Variants in MYO3B observed in about 807,000 individuals in gnomAD.
The protein encoded by MYO3B is myosin IIIB, also known as myosin-IIIb.
Under a neutral mutation model 174.6 loss-of-function variants are expected in MYO3B, and 156 were observed. That is an observed-to-expected ratio of 0.89 (90% confidence interval 0.78 to 1.02). The LOEUF (loss-of-function observed/expected upper bound fraction) is 1.02, where lower values mean the gene tolerates loss of function less well. Ranked by LOEUF, MYO3B falls within the 50% of genes least tolerant of loss-of-function variation. The pLI is 0.00. For missense variants in MYO3B, 1,632 were observed against 1,639.4 expected (o/e 1.00, Z 0.08); for synonymous variants, 563 against 569.1 (o/e 0.99, Z 0.15).
intron 1 of MYO3B, among the ~76,000 whole-genome samples, chr2:170,188,185 C>T (rs1234911544): frequency 6.6e-6 from 1 of 152,038 alleles, no homozygotes; most frequent in East Asian, 1.9e-4. Context: ...CTGAATTAAC[C>T]CCTTTGTCAT....
At chr2:170,279,170 C>A (rs2093486621) in intron 7 of MYO3B, among the ~76,000 whole-genome samples, 1 of 152,020 alleles carries the variant, frequency 6.6e-6, no homozygotes. Context: ...CTGGATTGTA[C>A]AGTAGTTCTA....
chr2:170,623,458 C>T (rs564069988), intron 32 of MYO3B, among the ~76,000 whole-genome samples: 63 of 152,094 alleles, frequency 4.1e-4, no homozygotes, highest in Admixed American at 9.2e-4. Context: ...AGTTCTTTGT[C>T]GATTCTGGAT....
chr2:170,494,388 G>A (rs1230937280), intron 25 of MYO3B, among the ~76,000 whole-genome samples: 2 of 151,308 alleles, frequency 1.3e-5, no homozygotes, highest in African/African-American at 4.9e-5. Flanking sequence ...GGAAATTTAT[G>A]TCTTCATAAA....
chr2:170,270,649 C>G (rs1365265497), intron 7 of MYO3B, among the ~76,000 whole-genome samples: 1 of 152,162 alleles, frequency 6.6e-6, no homozygotes, highest in Non-Finnish European at 1.5e-5. Flanking sequence ...TAGAAGCCCT[C>G]CATTGCCTGA....
At chr2:170,609,629 G>A (rs1455096989) in intron 32 of MYO3B, among the ~76,000 whole-genome samples, 1 of 152,228 alleles carries the variant, frequency 6.6e-6, no homozygotes, top group African/African-American at 2.4e-5. Flanking sequence ...GGGGTCCAAT[G>A]ATGTCATTAG....
intron 32 of MYO3B, among the ~76,000 whole-genome samples, chr2:170,627,072 G>T (rs1171859170): frequency 1.3e-5 from 2 of 151,930 alleles, no homozygotes; most frequent in African/African-American, 4.8e-5. Context: ...GGTGTTCTCT[G>T]TATTTCCTGA....
chr2:170,483,372 A>ATTTT (rs1219069017), intron 25 of MYO3B, among the ~76,000 whole-genome samples: 2 of 74,702 alleles, frequency 2.7e-5, no homozygotes, highest in Non-Finnish European at 5.5e-5. Flanking sequence ...TTGCTTGGGG[A>ATTTT]TTCTTTTTTT....
chr2:170,483,608 G>C (rs1685843672), intron 25 of MYO3B, among the ~76,000 whole-genome samples: 1 of 125,752 alleles, frequency 8.0e-6, no homozygotes, highest in Admixed American at 7.3e-5. Flanking sequence ...GGATGGTCTC[G>C]ATCTCCTGAC....
intron 23 of MYO3B, among the ~76,000 whole-genome samples, chr2:170,456,625 G>A (rs1683923798): frequency 6.6e-6 from 1 of 152,168 alleles, no homozygotes; most frequent in Non-Finnish European, 1.5e-5. Flanking sequence ...TGAGTTGCAT[G>A]GTAGCAGAAC....
At chr2:170,372,141 A>C (rs1048664249) in intron 9 of MYO3B, among the ~76,000 whole-genome samples, 2 of 149,024 alleles carry the variant, frequency 1.3e-5, no homozygotes, top group African/African-American at 4.9e-5. Context: ...AAAAAAAAAA[A>C]AAAACAACAA....
At chr2:170,370,632 C>G (rs1181598195) in intron 9 of MYO3B, among the ~76,000 whole-genome samples, 27 of 33,722 alleles carry the variant, frequency 8.0e-4, no homozygotes, top group Admixed American at 7.0e-3. Context: ...CCTACACACA[C>G]ACACACACAC....
At chr2:170,337,751 A>T (rs578074772) in intron 8 of MYO3B, 5 of 152,320 alleles carry the variant, frequency 3.3e-5, no homozygotes, top group African/African-American at 4.8e-5. Flanking sequence ...TACATATTTT[A>T]TGTGTTATAT....
chr2:170,499,899 TTCCCTCCCTCCCTTCCTTCTCCCC>T (rs1167877315), intron 27 of MYO3B, 91 bp downstream of exon 27: 50 of 1,107,410 alleles, frequency 4.5e-5, no homozygotes, highest in East Asian at 7.3e-5. Flanking sequence ...TCTAAGTGGT[TTCCCTCCCTCCCTTCCTTCTCCCC>T]TCCCTCCCTC....
intron 25 of MYO3B, among the ~76,000 whole-genome samples, chr2:170,476,013 G>C (rs1322398448): frequency 2.0e-5 from 3 of 152,130 alleles, no homozygotes; most frequent in Non-Finnish European, 2.9e-5. Flanking sequence ...GCTTTTCCCT[G>C]GGAGGTTAAC....
At chr2:170,186,627 C>A (rs1355230750) in intron 1 of MYO3B, among the ~76,000 whole-genome samples, 1 of 152,126 alleles carries the variant, frequency 6.6e-6, no homozygotes, top group Non-Finnish European at 1.5e-5. Context: ...CAGGCTAATA[C>A]CGGCCCCATA....
At chr2:170,462,989 TG>T (rs1177092683) in intron 23 of MYO3B, among the ~76,000 whole-genome samples, 1 of 152,244 alleles carries the variant, frequency 6.6e-6, no homozygotes, top group Non-Finnish European at 1.5e-5. Flanking sequence ...ACCTGGGCTT[TG>T]GGGCCATCAC....
chr2:170,511,204 C>T (rs1048441480), intron 28 of MYO3B, among the ~76,000 whole-genome samples: 1 of 151,732 alleles, frequency 6.6e-6, no homozygotes, highest in Non-Finnish European at 1.5e-5. Context: ...GGACTACAGG[C>T]GCCCGCCACC....
chr2:170,631,088 G>A (rs1575295749), intron 32 of MYO3B, among the ~76,000 whole-genome samples: 1 of 152,170 alleles, frequency 6.6e-6, no homozygotes, highest in African/African-American at 2.4e-5. Flanking sequence ...GGCTTCAGAT[G>A]ACCAAACTTC....
At chr2:170,488,689 G>A (rs1324648854) in intron 25 of MYO3B, among the ~76,000 whole-genome samples, 2 of 152,162 alleles carry the variant, frequency 1.3e-5, no homozygotes, top group Admixed American at 6.5e-5. Context: ...GCAGTGGGTA[G>A]GAAGTCAATT....
Sources: allele counts gnomAD v4.1 joint callset (sites outside exome capture counted in the v4.1 genomes callset), GRCh38; gene constraint gnomAD v4.1.1; transcripts MANE v1.5; gene names NCBI Gene and HGNC (gene_info 2026-07-23, HGNC 2026-07-21).